Variants in LRRN2 observed in about 807,000 individuals in gnomAD.
LRRN2 encodes leucine rich repeat neuronal 2, also known as leucine-rich repeat neuronal protein 2.
A neutral mutation model predicts 35.7 loss-of-function variants in LRRN2; 10 were observed. The observed-to-expected ratio is 0.28, with a 90% confidence interval of 0.17 to 0.47. The LOEUF (loss-of-function observed/expected upper bound fraction) is 0.47. Ranked by LOEUF, LRRN2 falls within the 20% of genes least tolerant of loss-of-function variation. LRRN2 has a pLI of 0.99. For missense variants in LRRN2, 731 were observed against 940.3 expected, an observed-to-expected ratio of 0.78 and a Z score of 2.91; for synonymous variants, 391 against 409.6, an observed-to-expected ratio of 0.95 and a Z score of 0.55.
At chr1:204,626,014 C>G (rs973872199) in intron 1 of LRRN2, among the ~76,000 whole-genome samples, 12 of 152,312 alleles carry the variant, frequency 7.9e-5, no homozygotes, top group African/African-American at 2.9e-4. Context: ...TCTAGGCCTT[C>G]TCATCACAGA....
At position 204,660,577 on chromosome 1, in the gene LRRN2, ACACTCT is replaced by A. The variant is rs1209837769; in HGVS notation, c.-227+24737_-227+24742del. On this transcript the variant is annotated intron_variant, in intron 1 of 1. Coordinates refer to ENST00000367177, the MANE Select transcript of LRRN2 (RefSeq NM_201630.2). ...GACACACACACACACACACACACAC[ACACTCT>A]CTCTCTCTCTCTCTCTCTCACTTCG... Among the ~76,000 whole-genome samples the A allele has an allele frequency of 1.2e-3, 180 of 147,334 alleles. 1 individual carries two copies. The highest frequency in any genetic ancestry group is 4.1e-3 in the African/African-American group (163 of 39,712).
chr1:204,617,590 G>T lies in LRRN2; in HGVS notation c.*261C>A. On this transcript the variant is annotated 3_prime_UTR_variant, in exon 2 of 2. Coordinates refer to ENST00000367177, the MANE Select transcript of LRRN2 (RefSeq NM_201630.2). ...GCAGAGAGAAGATGGGGAGGCAGGA[G>T]GCTCTAGCCAAAGTCCCTCCTGTTC... 1 of 481,044 alleles carries T rather than the reference G, an allele frequency of 2.1e-6. No homozygotes were observed. Among genetic ancestry groups the T allele is most frequent in the Non-Finnish European group, 3.7e-6 (1 of 267,992 alleles). 29.8% of individuals were successfully genotyped at this position (481,044 alleles called of 1,614,324 possible). A position where few individuals can be genotyped will look rare whatever the true frequency, so the allele number is the denominator to read the frequency against.
At chr1:204,635,761 C>T (rs1475742333) in intron 1 of LRRN2, among the ~76,000 whole-genome samples, 1 of 152,172 alleles carries the variant, frequency 6.6e-6, no homozygotes, top group East Asian at 1.9e-4. Context: ...TTCTTGGCTG[C>T]AAAGGTAGAA....
chr1:204,637,641 G>A (rs991584291), intron 1 of LRRN2, among the ~76,000 whole-genome samples: 1 of 143,342 alleles, frequency 7.0e-6, no homozygotes, highest in Non-Finnish European at 1.5e-5. Context: ...ATTGCAGCAC[G>A]TGACGTGTGT....
intron 1 of LRRN2, among the ~76,000 whole-genome samples, chr1:204,660,005 A>G (rs1668437402): frequency 6.6e-6 from 1 of 152,192 alleles, no homozygotes; most frequent in Non-Finnish European, 1.5e-5. Flanking sequence ...TGGATTGGTG[A>G]ACTCCCTGCC....
At chr1:204,637,645 C>CGTGTGTGTGTGTGTGT (rs67761829) in intron 1 of LRRN2, among the ~76,000 whole-genome samples, 26 of 130,022 alleles carry the variant, frequency 2.0e-4, no homozygotes, top group African/African-American at 6.8e-4. Context: ...CAGCACGTGA[C>CGTGTGTGTGTGTGTGT]GTGTGTGTGT....
intron 1 of LRRN2, among the ~76,000 whole-genome samples, chr1:204,672,030 C>G (rs890538512): frequency 5.9e-5 from 9 of 152,174 alleles, no homozygotes; most frequent in African/African-American, 2.2e-4. Flanking sequence ...TATGGGCACA[C>G]GCCAAAGGCT....
intron 1 of LRRN2, among the ~76,000 whole-genome samples, chr1:204,624,752 C>CT (rs960082658): frequency 3.1e-4 from 17 of 55,236 alleles, no homozygotes; most frequent in African/African-American, 6.8e-4. Flanking sequence ...CGGTTCCCCC[C>CT]CCACCCCCCC....
chr1:204,639,788 T>G (rs1667939358), intron 1 of LRRN2, among the ~76,000 whole-genome samples: 1 of 152,160 alleles, frequency 6.6e-6, no homozygotes, highest in African/African-American at 2.4e-5. Flanking sequence ...TAAAACTCTA[T>G]TATATTATTA....
chr1:204,636,506 C>A (rs1042316573), intron 1 of LRRN2, among the ~76,000 whole-genome samples: 1 of 152,142 alleles, frequency 6.6e-6, no homozygotes, highest in Non-Finnish European at 1.5e-5. Context: ...AAGGCCAAGG[C>A]GGGAGGTTTG....
rs866601260 is a variant in LRRN2, at chr1:204,660,585, T to A, written c.-227+24735A>T. On this transcript the variant is annotated intron_variant, in intron 1 of 1. Transcript: ENST00000367177. ...CACACACACACACACACACACTCTCTCTCTCTCTCTCTCTCTCACTTCGTC... is the reference window on the plus strand; with the variant it reads ...CACACACACACACACACACACTCTCACTCTCTCTCTCTCTCTCACTTCGTC... Among the ~76,000 whole-genome samples, 196 of 150,602 alleles carry A rather than the reference T, an allele frequency of 1.3e-3. 1 individual carries two copies. Among genetic ancestry groups the A allele is most frequent in the African/African-American group, 4.7e-3 (189 of 40,626 alleles).
chr1:204,684,721 C>T (rs1274601517), intron 1 of LRRN2, among the ~76,000 whole-genome samples: 2 of 152,156 alleles, frequency 1.3e-5, no homozygotes, highest in African/African-American at 4.8e-5. Context: ...TCCCCCACCC[C>T]AAAGGTCCCA....
At position 204,619,576 on chromosome 1, in the gene LRRN2, C is replaced by T. The variant is rs757019895; in HGVS notation, c.417G>A (p.Gly139=). Residue 139 remains glycine, a synonymous_variant, in exon 2 of 2, where the codon GGG becomes GGA. Coordinates refer to ENST00000367177, the MANE Select transcript of LRRN2 (RefSeq NM_201630.2). ...GATAGAGTTCCTGTAGGCTGGCCAGCCCTGCAAAGCTGTGGTCCTCCAGCC... is the reference window on the plus strand; with the variant it reads ...GATAGAGTTCCTGTAGGCTGGCCAGTCCTGCAAAGCTGTGGTCCTCCAGCC... ...LTRLEDHSFA[G]LASLQELYLN... 48 of 1,613,998 alleles carry T rather than the reference C, an allele frequency of 3.0e-5. No homozygotes were observed. The highest frequency in any genetic ancestry group is 4.1e-5 in the Non-Finnish European group (48 of 1,180,034).
At chr1:204,664,433 C>T (rs1668534014) in intron 1 of LRRN2, 2 of 152,334 alleles carry the variant, frequency 1.3e-5, no homozygotes. Flanking sequence ...GGTGATGTGA[C>T]CTCCTTTGCC....
At chr1:204,635,639 C>T (rs537545040) in intron 1 of LRRN2, among the ~76,000 whole-genome samples, 1 of 152,324 alleles carries the variant, frequency 6.6e-6, no homozygotes, top group Admixed American at 6.5e-5. Context: ...AACCGTTCAT[C>T]TTAAATAAAT....
In LRRN2 at chr1:204,618,717, G is replaced by A. The variant is rs1666591859; in HGVS notation, c.1276C>T (p.Pro426Ser). Residue 426 changes from proline to serine, a missense_variant, in exon 2 of 2, where the codon CCA (proline) becomes TCA (serine). Physicochemically the swap from Pro to Ser is moderately conservative, Grantham distance 74. This residue lies in a region of LRRN2 where 256 missense variants were observed against 392.4 expected (regional missense o/e 0.65). Coordinates refer to ENST00000367177, the MANE Select transcript of LRRN2 (RefSeq NM_201630.2). ...TGGAGGCTTGGGGGGAAGCTTCGTG[G>A]GGAGATGAGGGGCAAACAGTGGTCC... The part of the protein sequence containing the change: ...MTDHCLPLIS[P>S]RSFPPSLQVA... 2.5e-6 allele frequency: 4 copies of A among 1,602,918 alleles called. No individual in the cohort carries two copies. Among genetic ancestry groups the A allele is most frequent in the Non-Finnish European group, 3.4e-6 (4 of 1,173,366 alleles).
chr1:204,678,188 T>C (rs1668867845), intron 1 of LRRN2, among the ~76,000 whole-genome samples: 1 of 152,218 alleles, frequency 6.6e-6, no homozygotes, highest in South Asian at 2.1e-4. Context: ...TGTCTGGTAT[T>C]ATTCCCTCAT....
chr1:204,684,128 G>A lies in LRRN2; in HGVS notation c.-227+1192C>T, dbSNP rs544546289. On this transcript the variant is annotated intron_variant, in intron 1 of 1. Transcript: ENST00000367177. ...GAGCCTGCCATCGGCCTGGGTGCAT[G>A]GGGAGACCTACATCTTCCCCTATGA... Among the ~76,000 whole-genome samples the A allele has an allele frequency of 3.9e-5, 6 of 152,262 alleles. No homozygotes were observed. In the South Asian group the frequency reaches 1.2e-3, roughly 32 times the overall value.
chr1:204,672,031 G>A (rs1387381367), intron 1 of LRRN2, among the ~76,000 whole-genome samples: 4 of 152,218 alleles, frequency 2.6e-5, no homozygotes, highest in Non-Finnish European at 4.4e-5. Flanking sequence ...ATGGGCACAC[G>A]CCAAAGGCTT....
Sources: gnomAD v4.1 joint callset for allele counts (sites outside exome capture counted in the v4.1 genomes callset) on GRCh38, gnomAD v4.1.1 for gene constraint, gnomAD v4.1.1 regional missense constraint, MANE v1.5 for transcripts, NCBI Gene and HGNC (gene_info 2026-07-23, HGNC 2026-07-21) for gene names.